ROBO1: variants seen among roughly 807,000 people sequenced by gnomAD.
ROBO1 encodes roundabout homolog 1.
In ROBO1, 149 loss-of-function variants were observed where a neutral mutation model predicts 195.9. That is an observed-to-expected ratio of 0.76 (90% CI 0.67 to 0.87). The LOEUF (loss-of-function observed/expected upper bound fraction) is 0.87, where lower values mean the gene tolerates loss of function less well. Among genes scored for constraint, ROBO1 ranks in the 40% least tolerant of loss-of-function variants. The pLI, the probability that ROBO1 is intolerant of heterozygous loss-of-function variation, is 0.00. For synonymous variants in ROBO1, 816 were observed against 733.2 expected, an observed-to-expected ratio of 1.11 and a Z score of -1.82; for missense variants, 1,933 against 2,068.3, an observed-to-expected ratio of 0.93 and a Z score of 1.27.
intron 2 of ROBO1, among the ~76,000 whole-genome samples, chr3:79,426,299 A>C (rs2106977901): frequency 6.6e-6 from 1 of 152,290 alleles, no homozygotes; most frequent in South Asian, 2.1e-4. Flanking sequence ...CAGGTCCCTT[A>C]GAAACTGACA....
At chr3:79,385,576 AACCTGAGACTTTC>A (rs1328669295) in intron 2 of ROBO1, among the ~76,000 whole-genome samples, 1 of 152,144 alleles carries the variant, frequency 6.6e-6, no homozygotes, top group African/African-American at 2.4e-5. Flanking sequence ...AAAAATGTGG[AACCTGAGACTTTC>A]ATGCAATAAT....
At chr3:79,039,947 T>G (rs2108328699) in intron 3 of ROBO1, among the ~76,000 whole-genome samples, 1 of 152,268 alleles carries the variant, frequency 6.6e-6, no homozygotes, top group African/African-American at 2.4e-5. Context: ...AATGAGATAC[T>G]TAATACATAT....
intron 1 of ROBO1, among the ~76,000 whole-genome samples, chr3:79,651,484 A>T (rs1043390748): frequency 1.3e-5 from 2 of 152,148 alleles, no homozygotes; most frequent in Non-Finnish European, 2.9e-5. Context: ...AAACATCCAT[A>T]TAAATATAGT....
At chr3:78,610,355 G>A (rs1471306011) in intron 28 of ROBO1, among the ~76,000 whole-genome samples, 2 of 152,118 alleles carry the variant, frequency 1.3e-5, no homozygotes, top group Admixed American at 1.3e-4. Context: ...TTAGAAAACA[G>A]GCTGTATCAA....
chr3:79,713,269 C>A (rs573457459), intron 1 of ROBO1, among the ~76,000 whole-genome samples: 6 of 152,018 alleles, frequency 3.9e-5, no homozygotes, highest in Non-Finnish European at 7.4e-5. Flanking sequence ...GCAAATTTGA[C>A]CTTCAAATCT....
intron 2 of ROBO1, among the ~76,000 whole-genome samples, chr3:79,265,691 A>C (rs2083027403): frequency 6.6e-6 from 1 of 151,500 alleles, no homozygotes; most frequent in South Asian, 2.1e-4. Flanking sequence ...TTTCAATCGA[A>C]TATTCTCATA....
intron 2 of ROBO1, among the ~76,000 whole-genome samples, chr3:79,530,374 C>A (rs538982853): frequency 1.3e-5 from 2 of 151,936 alleles, no homozygotes; most frequent in Admixed American, 6.6e-5. Context: ...GATTTTTTTT[C>A]CTGTCTGCCA....
At chr3:78,713,988 T>C (rs1487236796) in intron 8 of ROBO1, among the ~76,000 whole-genome samples, 1 of 152,174 alleles carries the variant, frequency 6.6e-6, no homozygotes, top group Non-Finnish European at 1.5e-5. Flanking sequence ...CCCCTGAAAG[T>C]GGATGATCTT....
chr3:78,963,588 G>A (rs945073063), intron 3 of ROBO1, among the ~76,000 whole-genome samples: 1 of 128,812 alleles, frequency 7.8e-6, no homozygotes, highest in Non-Finnish European at 1.5e-5. Context: ...GCGCGATCTC[G>A]GCTCACTGCA....
intron 2 of ROBO1, among the ~76,000 whole-genome samples, chr3:79,233,482 T>A (rs375759672): frequency 6.6e-6 from 1 of 152,064 alleles, no homozygotes; most frequent in East Asian, 1.9e-4. Flanking sequence ...ATAAAAGAAG[T>A]ATAACTTATA....
chr3:78,715,220 G>C (rs1184180185), intron 7 of ROBO1: 1 of 151,998 alleles, frequency 6.6e-6, no homozygotes, highest in African/African-American at 2.4e-5. Flanking sequence ...CTAATAATTA[G>C]ACATCACATC....
chr3:79,102,270 A>G (rs2079691581), intron 3 of ROBO1, among the ~76,000 whole-genome samples: 1 of 151,616 alleles, frequency 6.6e-6, no homozygotes, highest in Admixed American at 6.6e-5. Context: ...TTCCAAACCT[A>G]TTTATTTTCA....
chr3:79,596,023 C>T (rs537755071), intron 1 of ROBO1, among the ~76,000 whole-genome samples: 1 of 151,974 alleles, frequency 6.6e-6, no homozygotes, highest in Admixed American at 6.6e-5. Context: ...AGGAGATATT[C>T]TTCCTCTTTA....
At chr3:79,641,217 C>T (rs922189414) in intron 1 of ROBO1, among the ~76,000 whole-genome samples, 7 of 151,970 alleles carry the variant, frequency 4.6e-5, no homozygotes, top group Admixed American at 6.6e-5. Context: ...TTTTTCCTGC[C>T]GCTCAGAATG....
chr3:79,472,469 GAT>G (rs1475908989), intron 2 of ROBO1, among the ~76,000 whole-genome samples: 1 of 152,024 alleles, frequency 6.6e-6, no homozygotes, highest in Admixed American at 6.6e-5. Context: ...ACCATACTAG[GAT>G]ATATCATACA....
chr3:79,055,067 C>A (rs991119567), intron 3 of ROBO1, among the ~76,000 whole-genome samples: 17 of 152,078 alleles, frequency 1.1e-4, no homozygotes, highest in Admixed American at 9.8e-4. Flanking sequence ...TAATTTTCCC[C>A]ATGGGGGTCA....
At chr3:79,229,793 T>G (rs1394649021) in intron 2 of ROBO1, among the ~76,000 whole-genome samples, 5 of 152,156 alleles carry the variant, frequency 3.3e-5, no homozygotes, top group African/African-American at 9.7e-5. Context: ...TTTAGCTTCT[T>G]TTATTCCCGA....
Position 78,991,709 on chromosome 3 carries a change from A to G in ROBO1, c.173-52782T>C, listed in dbSNP as rs112726885. 4.5e-3 allele frequency among the ~76,000 whole-genome samples: 684 copies of G among 152,354 alleles called. 9 individuals carry two copies. The highest frequency in any genetic ancestry group is 0.015 in the African/African-American group (640 of 41,586). On this transcript the variant is annotated intron_variant, in intron 3 of 30. Coordinates refer to ENST00000464233, the MANE Select transcript of ROBO1 (RefSeq NM_002941.4). ...TAAGTGATAATTCCACATGGGAATC[A>G]GTTGTAACACAAAAACAGAGGACTT...
chr3:79,193,581 C>CTTTT (rs869203963), intron 2 of ROBO1, among the ~76,000 whole-genome samples: 233 of 85,590 alleles, frequency 2.7e-3, no homozygotes, highest in African/African-American at 3.1e-3. Context: ...TGTGGTTTTG[C>CTTTT]TTTTTTTTTT....
Sources: gnomAD v4.1 joint callset for allele counts (sites outside exome capture counted in the v4.1 genomes callset) on GRCh38, gnomAD v4.1.1 for gene constraint, MANE v1.5 for transcripts, NCBI Gene and HGNC (gene_info 2026-07-23, HGNC 2026-07-21) for gene names.